The following DCAF7 variants were observed in gnomAD, a reference collection of about 807,000 sequenced individuals.
DCAF7 encodes the protein DDB1 and CUL4 associated factor 7.
Under a neutral mutation model 41.2 loss-of-function variants are expected in DCAF7, and 4 were observed. The observed-to-expected ratio is 0.10, with a 90% CI of 0.05 to 0.22. The LOEUF is 0.22. Ranked by LOEUF, DCAF7 falls within the 10% of genes least tolerant of loss-of-function variation. The probability of loss-of-function intolerance (pLI) is 1.00; values close to 1 mark genes in which losing one functional copy is unlikely to be tolerated. For synonymous variants in DCAF7, 143 were observed against 164.2 expected, an observed-to-expected ratio of 0.87 and a Z score of 0.99; for missense variants, 131 against 443.2, an observed-to-expected ratio of 0.30 and a Z score of 6.32.
chr17:63,560,001 A>G (rs1456834291), intron 1 of DCAF7, among the ~76,000 whole-genome samples: 2 of 152,232 alleles, frequency 1.3e-5, no homozygotes, highest in East Asian at 3.8e-4. Context: ...TAGACAAAGA[A>G]CAAATCCCTT....
chr17:63,566,805 A>AAGGATCGCCTGAGCAGG (rs902357584), intron 1 of DCAF7, among the ~76,000 whole-genome samples: 2 of 152,128 alleles, frequency 1.3e-5, no homozygotes, highest in African/African-American at 2.4e-5. Flanking sequence ...TAAGAGGCTG[A>AAGGATCGCCTGAGCAGG]AGGATCGCCT....
chr17:63,583,416 G>A lies in DCAF7; in HGVS notation c.529-86G>A. The A allele has an allele frequency of 2.5e-6, 3 of 1,217,530 alleles. No homozygotes were observed. The South Asian group carries it at 3.9e-5, about 16-fold the overall frequency. 75.4% of individuals were successfully genotyped at this position (1,217,530 alleles called of 1,614,324 possible). ...GCTTTTGTGTCATGAGCGAGGTTTA[G>A]ATGAACTGGACGTGGCAGATTTCCC... On this transcript the variant is annotated intron_variant, in intron 4 of 6. Coordinates refer to ENST00000614556, the MANE Select transcript of DCAF7 (RefSeq NM_005828.5).
intron 4 of DCAF7, 111 bp from the exon 5 acceptor site, chr17:63,583,391 G>T: frequency 1.1e-6 from 1 of 946,248 alleles, no homozygotes; most frequent in South Asian, 1.4e-5. Flanking sequence ...TCATTTATCT[G>T]CTTTTGTGTC....
At chr17:63,562,686 C>T in intron 1 of DCAF7, among the ~76,000 whole-genome samples, 1 of 115,934 alleles carries the variant, frequency 8.6e-6, no homozygotes, top group African/African-American at 3.2e-5. Flanking sequence ...TATCCCTCCC[C>T]CCTCCCCCCA....
rs1292671760 is a variant in DCAF7 at position 63,578,408 on chromosome 17, A to G, written c.139-62A>G. The stretch of plus-strand genomic sequence containing the variant: ...AAAAAACCTCTGTCACTGACCAGGG[A>G]TCTAATGTATTTGCTGTACTGCTCA... On this transcript the variant is annotated intron_variant, in intron 1 of 6. Coordinates refer to ENST00000614556, the MANE Select transcript of DCAF7 (RefSeq NM_005828.5). 3.7e-6 allele frequency: 6 copies of G among 1,602,874 alleles called. No individual in the cohort carries two copies. In the South Asian group the frequency reaches 5.5e-5, roughly 15 times the overall value.
At chr17:63,585,534 T>G (rs945100587) in intron 6 of DCAF7, among the ~76,000 whole-genome samples, 8 of 152,236 alleles carry the variant, frequency 5.3e-5, no homozygotes, top group African/African-American at 1.9e-4. Flanking sequence ...CAGAACATCT[T>G]CCATATATGA....
At chr17:63,571,621 A>G (rs1400253018) in intron 1 of DCAF7, among the ~76,000 whole-genome samples, 4 of 152,144 alleles carry the variant, frequency 2.6e-5, no homozygotes, top group Non-Finnish European at 5.9e-5. Flanking sequence ...CTTGAATTTC[A>G]TGAGCCTTTT....
At chr17:63,574,945 C>G (rs1313911674) in intron 1 of DCAF7, among the ~76,000 whole-genome samples, 1 of 151,860 alleles carries the variant, frequency 6.6e-6, no homozygotes, top group Non-Finnish European at 1.5e-5. Flanking sequence ...TACACTCCAC[C>G]CTGGGTGACA....
intron 6 of DCAF7, among the ~76,000 whole-genome samples, chr17:63,587,560 C>A (rs1396421449): frequency 6.6e-6 from 1 of 152,160 alleles, no homozygotes; most frequent in Non-Finnish European, 1.5e-5. Flanking sequence ...GGAAAAGGGC[C>A]TTAGTGCTCT....
chr17:63,580,871 A>G (rs1450053437), intron 4 of DCAF7, among the ~76,000 whole-genome samples: 1 of 152,102 alleles, frequency 6.6e-6, no homozygotes, highest in Non-Finnish European at 1.5e-5. Context: ...GAAAATCCCC[A>G]TAAGTCTTTT....
At chr17:63,570,805 TAGAC>T (rs2033498631) in intron 1 of DCAF7, among the ~76,000 whole-genome samples, 2 of 152,236 alleles carry the variant, frequency 1.3e-5, no homozygotes, top group Non-Finnish European at 2.9e-5. Flanking sequence ...TTGTGACAAT[TAGAC>T]AGATTTATTT....
chr17:63,563,240 G>C (rs534916504), intron 1 of DCAF7, among the ~76,000 whole-genome samples: 1 of 152,322 alleles, frequency 6.6e-6, no homozygotes, highest in South Asian at 2.1e-4. Flanking sequence ...CAAGTGATCA[G>C]TAAACAGGAA....
chr17:63,568,985 T>C (rs572251695), intron 1 of DCAF7, among the ~76,000 whole-genome samples: 10 of 152,344 alleles, frequency 6.6e-5, no homozygotes, highest in African/African-American at 2.2e-4. Flanking sequence ...AGCTCAGAAG[T>C]CCAACCAGTT....
chr17:63,551,331 C>G (rs370694794), intron 1 of DCAF7, among the ~76,000 whole-genome samples: 11 of 136,922 alleles, frequency 8.0e-5, no homozygotes, highest in Non-Finnish European at 1.6e-4. Flanking sequence ...CTCATGGATC[C>G]TAGCCCTTCT....
rs763506773 is a variant in DCAF7 at position 63,579,805 on chromosome 17, C to G, written c.410-20C>G. 1.9e-6 allele frequency: 3 copies of G among 1,604,576 alleles called. No homozygotes were observed. The highest frequency in any genetic ancestry group is 1.1e-5 in the South Asian group (1 of 90,838). On this transcript the variant is annotated intron_variant, in intron 3 of 6. Transcript: ENST00000614556. ...AGAACCTTGGTCCCGTCAGCCCTGA[C>G]TTGCACTGGTTGTTTGCAGGTACCT...
At chr17:63,567,863 T>C (rs966722383) in intron 1 of DCAF7, among the ~76,000 whole-genome samples, 1 of 152,066 alleles carries the variant, frequency 6.6e-6, no homozygotes, top group Non-Finnish European at 1.5e-5. Flanking sequence ...GATTTTGTCA[T>C]GTTGCCCAGG....
intron 4 of DCAF7, among the ~76,000 whole-genome samples, chr17:63,582,597 T>C (rs2033635253): frequency 1.3e-5 from 2 of 152,088 alleles, no homozygotes; most frequent in African/African-American, 2.4e-5. Flanking sequence ...GCCTCCCATG[T>C]AGCTGGGATT....
At chr17:63,571,164 C>T (rs1366882331) in intron 1 of DCAF7, among the ~76,000 whole-genome samples, 3 of 148,744 alleles carry the variant, frequency 2.0e-5, no homozygotes, top group African/African-American at 2.5e-5. Context: ...GCAGTCTGGG[C>T]GAGAAAGTGA....
intron 1 of DCAF7, among the ~76,000 whole-genome samples, chr17:63,569,569 G>A (rs561863514): frequency 6.6e-6 from 1 of 152,094 alleles, no homozygotes; most frequent in Non-Finnish European, 1.5e-5. Flanking sequence ...TACCACTTTG[G>A]TGGTTTTTTG....
Sources: gnomAD v4.1 joint callset for allele counts (sites outside exome capture counted in the v4.1 genomes callset) on GRCh38, gnomAD v4.1.1 for gene constraint, MANE v1.5 for transcripts, NCBI Gene and HGNC (gene_info 2026-07-23, HGNC 2026-07-21) for gene names.